Variants in RER1 observed in about 807,000 individuals in gnomAD.
RER1 encodes the protein protein RER1.
A neutral mutation model predicts 28.3 loss-of-function variants in RER1; 6 were observed. That is an observed-to-expected ratio of 0.21 (90% confidence interval 0.12 to 0.42). The LOEUF (loss-of-function observed/expected upper bound fraction) is 0.42. Ranked by LOEUF, RER1 falls within the 10% of genes least tolerant of loss-of-function variation. The pLI is 1.00. For synonymous variants in RER1, 110 were observed against 95.9 expected (o/e 1.15, Z -0.86); for missense variants, 159 against 252.9 (o/e 0.63, Z 2.52).
At chr1:2,402,166 T>C in intron 5 of RER1, 41 bp from the exon 6 acceptor site, 5 of 1,614,008 alleles carry the variant, frequency 3.1e-6, no homozygotes, top group Non-Finnish European at 4.2e-6. Flanking sequence ...TGCCCGGTGC[T>C]GGCTGCAGAT....
chr1:2,395,847 C>T lies in RER1; in HGVS notation c.57C>T (p.Tyr19=), dbSNP rs997666977. 1.2e-6 allele frequency: 2 copies of T among 1,613,796 alleles called. No homozygotes were observed. Among genetic ancestry groups the T allele is most frequent in the African/African-American group, 1.3e-5 (1 of 74,908 alleles). ...TCCATGGGAAACCTTCGGTGGTGTA[C>T]AGATTTTTCACAAGACTTGGACAGG... ...ESVHGKPSVV[Y]RFFTRLGQIY... is the part of the protein sequence containing the mutation. The change falls in exon 2 of 7, where the codon TAC becomes TAT. Residue 19 remains tyrosine (Y), a synonymous_variant. Transcript: ENST00000605895.
In RER1 at chr1:2,403,031, C is replaced by T. The variant is rs200762960; in HGVS notation, c.502-4C>T. The T allele has an allele frequency of 2.1e-4, 340 of 1,612,136 alleles. No individual in the cohort carries two copies. The highest frequency in any genetic ancestry group is 2.8e-4 in the Non-Finnish European group (330 of 1,178,794). On this transcript the variant is annotated splice_polypyrimidine_tract_variant and splice_region_variant and intron_variant, in intron 6 of 6. Transcript: ENST00000605895. The stretch of plus-strand genomic sequence containing the variant: ...AGTAACTGAGTCTGTGTTTCTCTCC[C>T]CAGCACATGATTAAGTACCGGTACA...
intron 1 of RER1, 163 bp from the exon 2 acceptor site, chr1:2,395,621 C>T (rs1273969432): frequency 3.2e-6 from 2 of 625,546 alleles, no homozygotes. Flanking sequence ...AGCCTGTGTA[C>T]CTGCTACTTT....
intron 6 of RER1, 146 bp from the exon 7 acceptor site, chr1:2,402,889 T>C (rs928540632): frequency 7.5e-6 from 5 of 665,894 alleles, no homozygotes; most frequent in African/African-American, 7.2e-5. Context: ...GCTGTGTTGA[T>C]GTGGGCGCAG....
At chr1:2,392,722 G>C (rs908227329) in intron 1 of RER1, among the ~76,000 whole-genome samples, 4 of 152,206 alleles carry the variant, frequency 2.6e-5, no homozygotes, top group Admixed American at 6.5e-5. Flanking sequence ...CCCCGTAAGT[G>C]GATAAAGGGT....
chr1:2,397,276 T>C (rs373119272), intron 3 of RER1, 56 bp downstream of exon 3: 2 of 1,105,840 alleles, frequency 1.8e-6, no homozygotes, highest in South Asian at 1.2e-5. Context: ...CTGGGCGTGA[T>C]GTTTGTGGGG....
At chr1:2,400,754 T>A in intron 4 of RER1, 103 bp from the exon 5 acceptor site, 1 of 948,268 alleles carries the variant, frequency 1.1e-6, no homozygotes, top group Non-Finnish European at 1.7e-6. Flanking sequence ...GAATCTCGGT[T>A]TAGATTTGTG....
rs760679126 is a variant in RER1 at position 2,403,136 on chromosome 1, AG to A, written c.*14del. ...CCTTCGCCAGCTAGAAGCGGGACTG[AG>A]GCTGCCTCACGTGTTGCAAGAACAG... On this transcript the variant is annotated 3_prime_UTR_variant, in exon 7 of 7. Transcript: ENST00000605895. 1 of 1,607,154 alleles carries A rather than the reference AG, an allele frequency of 6.2e-7. No homozygotes were observed. Among genetic ancestry groups the A allele is most frequent in the South Asian group, 1.1e-5 (1 of 90,950 alleles).
At chr1:2,396,122 A>G (rs1642764553) in intron 2 of RER1, 1 of 494,272 alleles carries the variant, frequency 2.0e-6, no homozygotes, top group Non-Finnish European at 3.7e-6. Context: ...AGCTTTAAAA[A>G]TATAAAACCC....
Position 2,402,230 on chromosome 1 carries a change from T to C in RER1, c.389T>C (p.Leu130Pro). 6.2e-7 allele frequency: 1 copy of C among 1,614,216 alleles called. No individual in the cohort carries two copies. The highest frequency in any genetic ancestry group is 8.5e-7 in the Non-Finnish European group (1 of 1,180,028). Residue 130 changes from leucine to proline, a missense_variant, in exon 6 of 7, where the codon CTT becomes CCT. Coordinates refer to ENST00000605895, the MANE Select transcript of RER1 (RefSeq NM_007033.5). Reference sequence around the variant, plus strand: ...AGGCATGCGGCTACCAAGGGCATCCTTGTGGCTATGGTCTGTACTTTCTTC... The same window carrying C: ...AGGCATGCGGCTACCAAGGGCATCCCTGTGGCTATGGTCTGTACTTTCTTC... The part of the protein sequence containing the change: ...KFWHAATKGI[L>P]VAMVCTFFDA...
chr1:2,399,923 C>T (rs952397485), intron 4 of RER1, among the ~76,000 whole-genome samples: 11 of 152,218 alleles, frequency 7.2e-5, no homozygotes, highest in Admixed American at 5.9e-4. Flanking sequence ...AGGCAGCTCA[C>T]TGTGGTGCAC....
chr1:2,400,050 GA>G (rs988101704), intron 4 of RER1, among the ~76,000 whole-genome samples: 2 of 152,206 alleles, frequency 1.3e-5, no homozygotes, highest in African/African-American at 4.8e-5. Flanking sequence ...TCCACTATTG[GA>G]AGACTTACGC....
chr1:2,401,410 C>CCTCCTCCCTT (rs1642860328), intron 5 of RER1, among the ~76,000 whole-genome samples: 2 of 53,672 alleles, frequency 3.7e-5, no homozygotes, highest in Non-Finnish European at 3.9e-5. Context: ...CCTCCTCCCT[C>CCTCCTCCCTT]CTTCCTCCTT....
At chr1:2,401,948 C>T (rs1472290314) in intron 5 of RER1, 1 of 1,404,974 alleles carries the variant, frequency 7.1e-7, no homozygotes, top group Non-Finnish European at 9.5e-7. Context: ...AGTACTGATG[C>T]TTTATACTTT....
chr1:2,400,932 T>G lies in RER1; in HGVS notation c.362T>G (p.Phe121Cys), dbSNP rs777253701. The G allele has an allele frequency of 6.2e-7, 1 of 1,611,828 alleles. No homozygotes were observed. The highest frequency in any genetic ancestry group is 8.5e-7 in the Non-Finnish European group (1 of 1,177,968). The change falls in exon 5 of 7, where the codon TTT becomes TGT. Residue 121 changes from phenylalanine (F) to cysteine (C), a missense_variant. By Grantham distance (205) the Phe-to-Cys change is radical (BLOSUM62 -2). Transcript: ENST00000605895. ...PFIRRLPEFKFWHAATKGILV... is the reference protein window; with the variant it reads ...PFIRRLPEFKCWHAATKGILV... ...ATTCGAAGGCTCCCAGAGTTTAAAT[T>G]TTGGTGAGCTAATTCTTCACGGTAT... is the stretch of plus-strand genomic sequence containing the variant.
chr1:2,395,239 C>T (rs774617812), intron 1 of RER1: 28 of 156,262 alleles, frequency 1.8e-4, no homozygotes, highest in Admixed American at 7.4e-4. Context: ...GAAACTGGGA[C>T]GCAGATGGAT....
intron 4 of RER1, 84 bp downstream of exon 4, chr1:2,399,598 A>C (rs1436718388): frequency 3.3e-5 from 27 of 814,442 alleles, no homozygotes; most frequent in Non-Finnish European, 4.9e-5. Flanking sequence ...CTCTGGAAAC[A>C]CCCGAGACTC....
At chr1:2,402,474 C>T (rs573115045) in intron 6 of RER1, 132 bp downstream of exon 6, 24 of 1,199,138 alleles carry the variant, frequency 2.0e-5, no homozygotes, top group South Asian at 1.2e-4. Flanking sequence ...TAAGTGGCAC[C>T]GTCTTGTGTG....
At chr1:2,396,362 A>G (rs1318934650) in intron 2 of RER1, 1 of 156,842 alleles carries the variant, frequency 6.4e-6, no homozygotes, top group African/African-American at 2.4e-5. Context: ...TCTGTCAGGA[A>G]AAGCTTGGGT....
Sources: allele counts gnomAD v4.1 joint callset (sites outside exome capture counted in the v4.1 genomes callset), GRCh38; gene constraint gnomAD v4.1.1; transcripts MANE v1.5; gene names NCBI Gene and HGNC (gene_info 2026-07-23, HGNC 2026-07-21).